VPS13B: variants seen among roughly 807,000 people sequenced by gnomAD.
The protein encoded by VPS13B is vacuolar protein sorting 13 homolog B.
VPS13B carries 285 observed loss-of-function variants against 426.4 expected under a neutral mutation model. The observed-to-expected ratio is 0.67, with a 90% CI of 0.61 to 0.74. The LOEUF (loss-of-function observed/expected upper bound fraction) is 0.74, where lower values mean the gene tolerates loss of function less well. Ranked by LOEUF, VPS13B falls within the 30% of genes least tolerant of loss-of-function variation. The pLI, the probability that VPS13B is intolerant of heterozygous loss-of-function variation, is 0.00. For missense variants in VPS13B, 4,537 were observed against 4,782.6 expected, an observed-to-expected ratio of 0.95 and a Z score of 1.51; for synonymous variants, 1,676 against 1,676.4, an observed-to-expected ratio of 1.00 and a Z score of 0.01.
rs557526473 is a variant in VPS13B at position 99,156,411 on chromosome 8, G to T, written c.2014-138G>T. 5.7e-5 allele frequency: 42 copies of T among 734,886 alleles called. No homozygotes were observed. In the African/African-American group the frequency reaches 6.9e-4, roughly 12 times the overall value. 45.5% of individuals were successfully genotyped at this position (734,886 alleles called of 1,614,324 possible). On this transcript the variant is annotated intron_variant, in intron 14 of 61. Coordinates refer to ENST00000357162, the MANE Select transcript of VPS13B (RefSeq NM_152564.5). ...CATTTGTTATTTGGTTATGGCAAGAGAGTTCTGTAGAAAGGCATCATTTCT... is the reference window on the plus strand; with the variant it reads ...CATTTGTTATTTGGTTATGGCAAGATAGTTCTGTAGAAAGGCATCATTTCT...
At chr8:99,622,326 G>A (rs1203167064) in intron 33 of VPS13B, among the ~76,000 whole-genome samples, 1 of 152,162 alleles carries the variant, frequency 6.6e-6, no homozygotes, top group Non-Finnish European at 1.5e-5. Context: ...AAGAGCCAAG[G>A]TTTCGCCTCC....
At chr8:99,779,531 G>A (rs1262718816) in intron 42 of VPS13B, among the ~76,000 whole-genome samples, 3 of 151,962 alleles carry the variant, frequency 2.0e-5, no homozygotes, top group Non-Finnish European at 4.4e-5. Flanking sequence ...CTGACTTTTT[G>A]ATTCACTAAA....
chr8:99,739,157 CG>C (rs1833959159), intron 39 of VPS13B, among the ~76,000 whole-genome samples: 1 of 152,206 alleles, frequency 6.6e-6, no homozygotes, highest in South Asian at 2.1e-4. Flanking sequence ...TCTTAGCAAA[CG>C]GCACACCAGG....
intron 8 of VPS13B, among the ~76,000 whole-genome samples, chr8:99,132,473 A>G (rs1480353624): frequency 6.6e-6 from 1 of 152,108 alleles, no homozygotes; most frequent in East Asian, 1.9e-4. Flanking sequence ...GGTTAAAATC[A>G]ACTTCTTTCA....
intron 23 of VPS13B, among the ~76,000 whole-genome samples, chr8:99,461,524 A>G (rs1264213391): frequency 1.3e-5 from 2 of 150,586 alleles, no homozygotes; most frequent in Non-Finnish European, 3.0e-5. Context: ...TGCATTCCTT[A>G]TAGTAGCTAG....
intron 15 of VPS13B, among the ~76,000 whole-genome samples, chr8:99,159,910 T>C (rs1325206013): frequency 1.3e-5 from 2 of 152,130 alleles, no homozygotes; most frequent in African/African-American, 4.8e-5. Flanking sequence ...CTGCCTACCT[T>C]GCTTCCCAAA....
At chr8:99,505,948 CAA>C (rs1434815434) in intron 27 of VPS13B, among the ~76,000 whole-genome samples, 2 of 152,088 alleles carry the variant, frequency 1.3e-5, no homozygotes, top group African/African-American at 4.8e-5. Flanking sequence ...TATAAGATGA[CAA>C]ATCTGTTCAT....
At chr8:99,061,239 T>G (rs953343794) in intron 3 of VPS13B, among the ~76,000 whole-genome samples, 2 of 151,976 alleles carry the variant, frequency 1.3e-5, no homozygotes, top group African/African-American at 4.8e-5. Context: ...TCCTTTTGAA[T>G]CTATAAAATG....
intron 21 of VPS13B, chr8:99,429,433 A>G (rs1165283080): frequency 1.3e-5 from 2 of 152,102 alleles, no homozygotes; most frequent in Non-Finnish European, 2.9e-5. Flanking sequence ...TAAATAATCT[A>G]TTCTTATCTT....
intron 24 of VPS13B, among the ~76,000 whole-genome samples, chr8:99,477,778 G>C (rs1197973709): frequency 6.6e-6 from 1 of 152,076 alleles, no homozygotes; most frequent in Non-Finnish European, 1.5e-5. Context: ...TGTTATTCCT[G>C]GAACTTTCAT....
intron 19 of VPS13B, among the ~76,000 whole-genome samples, chr8:99,322,854 A>G (rs1236570325): frequency 6.6e-6 from 1 of 152,228 alleles, no homozygotes; most frequent in African/African-American, 2.4e-5. Context: ...CTTAAACACG[A>G]TTGTCTTACT....
At chr8:99,497,209 A>ATACAT (rs1820962550) in intron 25 of VPS13B, among the ~76,000 whole-genome samples, 1 of 137,842 alleles carries the variant, frequency 7.3e-6, no homozygotes, top group African/African-American at 2.8e-5. Context: ...TATATATTTA[A>ATACAT]TATATATAAA....
chr8:99,116,164 A>G (rs934691646), intron 7 of VPS13B, among the ~76,000 whole-genome samples: 4 of 150,868 alleles, frequency 2.7e-5, no homozygotes, highest in African/African-American at 9.7e-5. Flanking sequence ...AGTAGCTGGG[A>G]TTACAGACAT....
chr8:99,240,666 T>G (rs987108358), intron 17 of VPS13B, among the ~76,000 whole-genome samples: 3 of 152,220 alleles, frequency 2.0e-5, no homozygotes, highest in African/African-American at 7.2e-5. Context: ...AACTAATTTG[T>G]ACATAAGCCA....
chr8:99,019,972 A>T (rs1360633744), intron 2 of VPS13B, among the ~76,000 whole-genome samples: 1 of 152,118 alleles, frequency 6.6e-6, no homozygotes, highest in Non-Finnish European at 1.5e-5. Context: ...CTGTGCTTTT[A>T]ATTTATTTGG....
In VPS13B at chr8:99,642,056, A is replaced by G. The variant is rs770813780; in HGVS notation, c.5466A>G (p.Ser1822=). Residue 1822 remains serine, a synonymous_variant, in exon 34 of 62, where the codon TCA becomes TCG. Coordinates refer to ENST00000357162, the MANE Select transcript of VPS13B (RefSeq NM_152564.5). ...FDIFITASRI[S]LMTYSCMALS... is the part of the protein sequence containing the mutation. Reference sequence around the variant, plus strand: ...TATTTATTACTGCAAGTAGAATCTCACTAATGACCTATTCCTGTATGGCCT... The same window carrying G: ...TATTTATTACTGCAAGTAGAATCTCGCTAATGACCTATTCCTGTATGGCCT... 1.9e-6 allele frequency: 3 copies of G among 1,614,008 alleles called. No individual in the cohort carries two copies. In the East Asian group the frequency reaches 6.7e-5, roughly 36 times the overall value.
intron 34 of VPS13B, among the ~76,000 whole-genome samples, chr8:99,643,701 G>A: frequency 6.6e-6 from 1 of 152,134 alleles, no homozygotes; most frequent in East Asian, 1.9e-4. Flanking sequence ...GCTTAAATTG[G>A]CCATGGTGAA....
intron 19 of VPS13B, among the ~76,000 whole-genome samples, chr8:99,339,162 T>C (rs943237017): frequency 2.6e-5 from 4 of 152,216 alleles, no homozygotes; most frequent in Admixed American, 6.5e-5. Context: ...TTGTTTGCTA[T>C]TTGTATTCTT....
At position 99,105,655 on chromosome 8, in the gene VPS13B, A is replaced by G. The variant is rs916411436; in HGVS notation, c.580+2535A>G. 2.0e-5 allele frequency among the ~76,000 whole-genome samples: 3 copies of G among 152,362 alleles called. No homozygotes were observed. The Middle Eastern group carries it at 0.01, about 518-fold the overall frequency. On this transcript the variant is annotated intron_variant, in intron 5 of 61. Coordinates refer to ENST00000357162, the MANE Select transcript of VPS13B (RefSeq NM_152564.5). The stretch of plus-strand genomic sequence containing the variant: ...CAGCTTCCTAGAATGCTGGGATTAC[A>G]GGCATGAGCCACTGTGCCCACCCAG...
Sources: gnomAD v4.1 joint callset for allele counts (sites outside exome capture counted in the v4.1 genomes callset) on GRCh38, gnomAD v4.1.1 for gene constraint, MANE v1.5 for transcripts, NCBI Gene and HGNC (gene_info 2026-07-23, HGNC 2026-07-21) for gene names.